Variants in TMPRSS4 observed in about 807,000 individuals in gnomAD.
The protein encoded by TMPRSS4 is transmembrane serine protease 4, also known as transmembrane protease serine 4.
A neutral mutation model predicts 56.4 loss-of-function variants in TMPRSS4; 45 were observed. That is an observed-to-expected ratio of 0.80 (90% CI 0.63 to 1.02). The LOEUF is 1.02. Among genes scored for constraint, TMPRSS4 ranks in the 50% least tolerant of loss-of-function variants. The pLI is 0.00. For missense variants in TMPRSS4, 546 were observed against 556.7 expected (o/e 0.98, Z 0.19); for synonymous variants, 205 against 211.0 (o/e 0.97, Z 0.25).
rs1279483094 is a variant in TMPRSS4, at chr11:118,108,759, G to A, written c.543-97G>A. On this transcript the variant is annotated intron_variant, in intron 6 of 12. Transcript: ENST00000437212. Reference sequence around the variant, plus strand: ...GCAGCTTCCACATTCCCGAGGTATTGGGAGGGGACTTGAATTAACAGCTTC... The same window carrying A: ...GCAGCTTCCACATTCCCGAGGTATTAGGAGGGGACTTGAATTAACAGCTTC... 5 of 1,226,832 alleles carry A rather than the reference G, an allele frequency of 4.1e-6. No individual in the cohort carries two copies. In the Admixed American group the frequency reaches 9.3e-5, roughly 23 times the overall value. The allele number at this position is 1,226,832 out of a possible 1,614,324, so 76.0% of individuals were successfully genotyped here. A position where few individuals can be genotyped will look rare whatever the true frequency, so the allele number is the denominator to read the frequency against.
chr11:118,115,281 G>A lies in TMPRSS4; in HGVS notation c.1152+1G>A. On this transcript the variant is annotated splice_donor_variant, in intron 11 of 12. Coordinates refer to ENST00000437212, the MANE Select transcript of TMPRSS4 (RefSeq NM_019894.4). LOFTEE classifies it high-confidence loss of function. ...GGAAGGGGGTGTGGACACCTGCCAGGTGGGGCCTCCAAGAATCATGGGGAG... is the reference window on the plus strand; with the variant it reads ...GGAAGGGGGTGTGGACACCTGCCAGATGGGGCCTCCAAGAATCATGGGGAG... 3.7e-6 allele frequency: 6 copies of A among 1,612,278 alleles called. No homozygotes were observed. The highest frequency in any genetic ancestry group is 5.1e-6 in the Non-Finnish European group (6 of 1,179,752).
In TMPRSS4 at chr11:118,097,440, T is replaced by C. The variant is rs145245314; in HGVS notation, c.44-1545T>C. ...TGGGAGGAGGACAGGGAGCCAGTCATGTGGAGGTGAGGGTAGGAGAGCCGG... is the reference window on the plus strand; with the variant it reads ...TGGGAGGAGGACAGGGAGCCAGTCACGTGGAGGTGAGGGTAGGAGAGCCGG... On this transcript the variant is annotated intron_variant, in intron 2 of 12. Transcript: ENST00000437212. Among the ~76,000 whole-genome samples the C allele has an allele frequency of 3.8e-3, 580 of 152,244 alleles. 1 individual carries two copies. The highest frequency in any genetic ancestry group is 0.012 in the African/African-American group (519 of 41,544).
intron 12 of TMPRSS4, 62 bp from the exon 13 acceptor site, chr11:118,117,840 G>A: frequency 6.2e-7 from 1 of 1,613,990 alleles, no homozygotes; most frequent in Non-Finnish European, 8.5e-7. Context: ...CGTTACACAT[G>A]TCACCACTTT....
In TMPRSS4 at chr11:118,107,591, C is replaced by G. The variant is rs146340954; in HGVS notation, c.441-183C>G. On this transcript the variant is annotated intron_variant, in intron 5 of 12. Coordinates refer to ENST00000437212, the MANE Select transcript of TMPRSS4 (RefSeq NM_019894.4). ...GGTTGAGTCCTGGGATGCCAAGGGT[C>G]GGTTCTTTATTGTATAGCAAAGCAG... is the stretch of plus-strand genomic sequence containing the variant. The G allele has an allele frequency of 5.3e-5, 27 of 509,578 alleles. No homozygotes were observed. In the East Asian group the frequency reaches 8.0e-4, roughly 15 times the overall value. The allele number at this position is 509,578 out of a possible 1,614,324, so 31.6% of individuals were successfully genotyped here.
At chr11:118,102,204 G>A (rs925770647) in intron 3 of TMPRSS4, among the ~76,000 whole-genome samples, 2 of 151,852 alleles carry the variant, frequency 1.3e-5, no homozygotes, top group Admixed American at 6.6e-5. Context: ...CCCCCTGCAC[G>A]TGTCCATGTG....
chr11:118,104,948 T>A (rs1946917111), intron 5 of TMPRSS4, 128 bp downstream of exon 5: 12 of 988,928 alleles, frequency 1.2e-5, no homozygotes, highest in Non-Finnish European at 1.6e-5. Context: ...GGCTTTTGAA[T>A]CCCAGCATTT....
In TMPRSS4 at chr11:118,119,333, G is replaced by A. The variant is rs1947710904; in HGVS notation, c.*1420G>A. The A allele has an allele frequency of 1.0e-6, 1 of 985,296 alleles. No individual in the cohort carries two copies. 61.0% of individuals were successfully genotyped at this position (985,296 alleles called of 1,614,324 possible). On this transcript the variant is annotated 3_prime_UTR_variant, in exon 13 of 13. Transcript: ENST00000437212. ...CATGAAGCAGGGATAACTGATGGCA[G>A]TAAATGTGGTCTCAAATTGCAGATG...
chr11:118,094,091 T>C (rs1361360354), intron 1 of TMPRSS4, among the ~76,000 whole-genome samples: 1 of 152,256 alleles, frequency 6.6e-6, no homozygotes, highest in Non-Finnish European at 1.5e-5. Context: ...GAAGCGACTA[T>C]AAACTTTCAC....
chr11:118,100,388 T>G (rs1489790493), intron 3 of TMPRSS4, among the ~76,000 whole-genome samples: 2 of 152,188 alleles, frequency 1.3e-5, no homozygotes, highest in Admixed American at 6.5e-5. Flanking sequence ...TTTCCAGCAG[T>G]AGCAGCCAAC....
At chr11:118,077,873 C>T (rs934062177) in intron 1 of TMPRSS4, among the ~76,000 whole-genome samples, 5 of 151,806 alleles carry the variant, frequency 3.3e-5, no homozygotes, top group Admixed American at 2.0e-4. Context: ...ATTAGCCAGG[C>T]GTGGTGGCAG....
intron 11 of TMPRSS4, 116 bp from the exon 12 acceptor site, chr11:118,117,189 A>G (rs544448217): frequency 4.1e-4 from 414 of 1,022,082 alleles, no homozygotes; most frequent in Non-Finnish European, 6.0e-4. Flanking sequence ...AGGGTGGAAT[A>G]TCGGAGAGCA....
chr11:118,104,314 G>A (rs1416460799), intron 4 of TMPRSS4, among the ~76,000 whole-genome samples: 1 of 152,190 alleles, frequency 6.6e-6, no homozygotes, highest in Non-Finnish European at 1.5e-5. Flanking sequence ...TGGGCAAGTT[G>A]TGTGGACCAT....
At chr11:118,099,885 G>T (rs1397446121) in intron 3 of TMPRSS4, among the ~76,000 whole-genome samples, 1 of 152,148 alleles carries the variant, frequency 6.6e-6, no homozygotes, top group East Asian at 1.9e-4. Context: ...AGGCCTCTCT[G>T]CCTCAGGCCC....
intron 4 of TMPRSS4, among the ~76,000 whole-genome samples, chr11:118,103,538 CG>C (rs1331142044): frequency 1.3e-5 from 2 of 152,130 alleles, no homozygotes; most frequent in Non-Finnish European, 2.9e-5. Context: ...CCAGCCACCA[CG>C]CCTGGCTAAT....
chr11:118,104,373 G>A (rs1273727618), intron 4 of TMPRSS4, among the ~76,000 whole-genome samples: 1 of 152,158 alleles, frequency 6.6e-6, no homozygotes, highest in Non-Finnish European at 1.5e-5. Flanking sequence ...TATGGTCGCT[G>A]GGTAGAGTGA....
At chr11:118,077,715 T>C (rs889045332) in intron 1 of TMPRSS4, among the ~76,000 whole-genome samples, 7 of 152,090 alleles carry the variant, frequency 4.6e-5, no homozygotes, top group African/African-American at 1.7e-4. Flanking sequence ...CCTTTTCTTT[T>C]TAAAGAAAAG....
chr11:118,101,458 A>G (rs956837144), intron 3 of TMPRSS4, among the ~76,000 whole-genome samples: 2 of 151,964 alleles, frequency 1.3e-5, no homozygotes, highest in Non-Finnish European at 2.9e-5. Flanking sequence ...TTCACTAAGG[A>G]AAAGTTTGTT....
chr11:118,079,891 T>C (rs951180047), intron 1 of TMPRSS4, among the ~76,000 whole-genome samples: 2 of 152,156 alleles, frequency 1.3e-5, no homozygotes, highest in African/African-American at 4.8e-5. Context: ...TAAACTGAGC[T>C]GGGCAGTGGG....
intron 1 of TMPRSS4, among the ~76,000 whole-genome samples, chr11:118,083,994 C>A (rs1240527423): frequency 1.3e-5 from 2 of 152,052 alleles, no homozygotes; most frequent in African/African-American, 4.8e-5. Context: ...GCCGAGACAG[C>A]GCCACTGCAC....
Sources: gnomAD v4.1 joint callset for allele counts (sites outside exome capture counted in the v4.1 genomes callset) on GRCh38, gnomAD v4.1.1 for gene constraint, MANE v1.5 for transcripts, NCBI Gene and HGNC (gene_info 2026-07-23, HGNC 2026-07-21) for gene names.